Variants in BAIAP2 observed in about 807,000 individuals in gnomAD.
BAIAP2 encodes BAR/IMD domain containing adaptor protein 2.
A neutral mutation model predicts 63.0 loss-of-function variants in BAIAP2; 18 were observed. The ratio of observed to expected loss-of-function variants is 0.29; its 90% CI spans 0.20 to 0.42. BAIAP2 has a LOEUF of 0.42. Among genes scored for constraint, BAIAP2 ranks in the 10% least tolerant of loss-of-function variants. The pLI, the probability that BAIAP2 is intolerant of heterozygous loss-of-function variation, is 1.00. For synonymous variants in BAIAP2, 386 were observed against 307.6 expected, an observed-to-expected ratio of 1.25 and a Z score of -2.67; for missense variants, 610 against 734.3, an observed-to-expected ratio of 0.83 and a Z score of 1.96.
intron 3 of BAIAP2, among the ~76,000 whole-genome samples, chr17:81,061,973 C>A (rs1429249791): frequency 6.6e-6 from 1 of 152,168 alleles, no homozygotes; most frequent in Non-Finnish European, 1.5e-5. Context: ...GACCGAATCT[C>A]ACTCTGTCAC....
chr17:81,078,376 TG>T (rs1477041357), intron 3 of BAIAP2, among the ~76,000 whole-genome samples: 56 of 142,310 alleles, frequency 3.9e-4, no homozygotes, highest in African/African-American at 1.4e-3. Context: ...CTGGGTGCTG[TG>T]GGTGCGGGTG....
At chr17:81,039,871 T>C (rs1164088850) in intron 1 of BAIAP2, among the ~76,000 whole-genome samples, 2 of 152,120 alleles carry the variant, frequency 1.3e-5, no homozygotes, top group Non-Finnish European at 2.9e-5. Flanking sequence ...CTGTCCTCCT[T>C]CCGAGCTCCA....
At position 81,116,014 on chromosome 17, in the gene BAIAP2, A is replaced by G. The variant is rs1289210002; in HGVS notation, c.*175A>G. 13 of 1,462,066 alleles carry G rather than the reference A, an allele frequency of 8.9e-6. No individual in the cohort carries two copies. Among genetic ancestry groups the G allele is most frequent in the African/African-American group, 5.6e-5 (4 of 71,000 alleles). The allele number at this position is 1,462,066 out of a possible 1,614,324, so 90.6% of individuals were successfully genotyped here. ...CCAGCTGTTCTAGGCAGGGCCGGGCAGAGTGGGGCGCAGGCCCCTGAAGGG... is the reference window on the plus strand; with the variant it reads ...CCAGCTGTTCTAGGCAGGGCCGGGCGGAGTGGGGCGCAGGCCCCTGAAGGG... On this transcript the variant is annotated 3_prime_UTR_variant, in exon 14 of 14. Transcript: ENST00000428708.
intron 3 of BAIAP2, chr17:81,083,122 C>A (rs116994742): frequency 6.6e-6 from 1 of 152,290 alleles, no homozygotes; most frequent in Non-Finnish European, 1.5e-5. Flanking sequence ...CCAGCCCAGC[C>A]GTGGTCCTGG....
intron 3 of BAIAP2, among the ~76,000 whole-genome samples, chr17:81,065,549 C>T (rs1295398286): frequency 6.6e-6 from 1 of 152,206 alleles, no homozygotes; most frequent in African/African-American, 2.4e-5. Context: ...GCTGTCCAGT[C>T]TGCCTCACCG....
intron 3 of BAIAP2, among the ~76,000 whole-genome samples, chr17:81,059,131 C>T (rs897501014): frequency 9.9e-5 from 15 of 152,200 alleles, no homozygotes; most frequent in Non-Finnish European, 1.6e-4. Flanking sequence ...GAGCCCCCCC[C>T]CCACGCCCCC....
intron 3 of BAIAP2, among the ~76,000 whole-genome samples, chr17:81,077,828 TG>T (rs2053922425): frequency 1.3e-5 from 2 of 150,982 alleles, no homozygotes; most frequent in South Asian, 4.2e-4. Flanking sequence ...CTGGGTGCTG[TG>T]GGCACAGGTG....
Position 81,068,817 on chromosome 17 carries a change from GTC to G in BAIAP2, c.217+10854_217+10855del, listed in dbSNP as rs375262842. Among the ~76,000 whole-genome samples, 28 of 152,336 alleles carry G rather than the reference GTC, an allele frequency of 1.8e-4. No homozygotes were observed. The East Asian group carries it at 4.4e-3, about 24-fold the overall frequency. ...TGGGGGGCCATATCTGGTTGCCAGT[GTC>G]TCTGTCCAGCCTTGCGTTCCTGGCT... On this transcript the variant is annotated intron_variant, in intron 3 of 13. Coordinates refer to ENST00000428708, the MANE Select transcript of BAIAP2 (RefSeq NM_001144888.2).
intron 12 of BAIAP2, 109 bp downstream of exon 12, chr17:81,107,016 G>T: frequency 7.5e-7 from 1 of 1,326,262 alleles, no homozygotes. Context: ...TGGGGGTCTG[G>T]GTCTTTGGAC....
chr17:81,110,537 C>T (rs950685806), intron 13 of BAIAP2: 40 of 1,124,254 alleles, frequency 3.6e-5, no homozygotes, highest in Middle Eastern at 3.7e-4. Context: ...GACCTCCTTC[C>T]GGTTCCCGGC....
At position 81,098,320 on chromosome 17, in the gene BAIAP2, A is replaced by AAACTCCCCCT. The variant is rs2057985721; in HGVS notation, c.490-1607_490-1598dup. The AAACTCCCCCT allele has an allele frequency of 4.9e-6, 3 of 607,480 alleles. No individual in the cohort carries two copies. The East Asian group carries it at 1.0e-4, about 21-fold the overall frequency. 37.6% of individuals were successfully genotyped at this position (607,480 alleles called of 1,614,324 possible). On this transcript the variant is annotated intron_variant, in intron 6 of 13. Coordinates refer to ENST00000428708, the MANE Select transcript of BAIAP2 (RefSeq NM_001144888.2). ...CAGCTTCTTCGCCACTCTCTCCCCCAAACTCCCCCTCTCCAGTTTCCTCCC... is the reference window on the plus strand; with the variant it reads ...CAGCTTCTTCGCCACTCTCTCCCCCAAACTCCCCCTAACTCCCCCTCTCCAGTTTCCTCCC...
intron 1 of BAIAP2, among the ~76,000 whole-genome samples, chr17:81,044,462 C>CT (rs1237680399): frequency 1.3e-5 from 2 of 152,236 alleles, no homozygotes; most frequent in African/African-American, 4.8e-5. Context: ...TTGTAAGGCG[C>CT]TGGTCCTATG....
chr17:81,103,519 G>C lies in BAIAP2; in HGVS notation c.660G>C (p.Ala220=). The change falls in exon 8 of 14, where the codon GCG becomes GCC. Residue 220 remains alanine (A), a synonymous_variant. Transcript: ENST00000428708. ...CACTTCAGGGCAAGGAGCTGCTGGCGCAGAAGCTGCCGCTGTGGCAACAGG... is the reference window on the plus strand; with the variant it reads ...CACTTCAGGGCAAGGAGCTGCTGGCCCAGAAGCTGCCGCTGTGGCAACAGG... ...AYHSKGKELL[A]QKLPLWQQAC... 6.3e-7 allele frequency: 1 copy of C among 1,580,950 alleles called. No individual in the cohort carries two copies. Among genetic ancestry groups the C allele is most frequent in the Non-Finnish European group, 8.5e-7 (1 of 1,170,494 alleles).
chr17:81,078,318 C>T (rs1342245945), intron 3 of BAIAP2, among the ~76,000 whole-genome samples: 3 of 135,322 alleles, frequency 2.2e-5, no homozygotes, highest in African/African-American at 5.7e-5. Flanking sequence ...GTGCGGGTGC[C>T]GTATTGGGTG....
At chr17:81,045,087 C>T (rs1399082221) in intron 1 of BAIAP2, among the ~76,000 whole-genome samples, 1 of 152,228 alleles carries the variant, frequency 6.6e-6, no homozygotes, top group African/African-American at 2.4e-5. Flanking sequence ...TGCGGCTCCT[C>T]CTGCGTGGGC....
At chr17:81,102,545 A>G (rs187463434) in intron 7 of BAIAP2, among the ~76,000 whole-genome samples, 2 of 152,336 alleles carry the variant, frequency 1.3e-5, no homozygotes, top group Admixed American at 6.5e-5. Flanking sequence ...GCTGTGTTGC[A>G]ATAAAACTTT....
intron 6 of BAIAP2, chr17:81,098,136 C>T (rs927376631): frequency 7.6e-6 from 11 of 1,454,612 alleles, no homozygotes; most frequent in Non-Finnish European, 1.0e-5. Flanking sequence ...CCCAGAGGGA[C>T]AGAGGCAGAG....
At chr17:81,092,149 G>A (rs1206704764) in intron 6 of BAIAP2, among the ~76,000 whole-genome samples, 2 of 152,250 alleles carry the variant, frequency 1.3e-5, no homozygotes, top group Non-Finnish European at 2.9e-5. Flanking sequence ...GTCTCCAGTG[G>A]GCTCAGAAAC....
chr17:81,064,443 C>T (rs536931066), intron 3 of BAIAP2, among the ~76,000 whole-genome samples: 1 of 152,224 alleles, frequency 6.6e-6, no homozygotes, highest in South Asian at 2.1e-4. Flanking sequence ...CTCTGTTCTT[C>T]CTGGGAAGAG....
Sources: allele counts gnomAD v4.1 joint callset (sites outside exome capture counted in the v4.1 genomes callset), GRCh38; gene constraint gnomAD v4.1.1; transcripts MANE v1.5; gene names NCBI Gene and HGNC (gene_info 2026-07-23, HGNC 2026-07-21).